GREB1L: variants seen among roughly 807,000 people sequenced by gnomAD.
The protein encoded by GREB1L is GREB1 like retinoic acid receptor coactivator.
GREB1L carries 17 observed loss-of-function variants against 200.8 expected under a neutral mutation model. The ratio of observed to expected loss-of-function variants is 0.08; its 90% CI spans 0.06 to 0.13. GREB1L has a LOEUF of 0.13. Among genes scored for constraint, GREB1L ranks in the 10% least tolerant of loss-of-function variants. GREB1L has a pLI of 1.00. For missense variants in GREB1L, 1,657 were observed against 2,367.7 expected (o/e 0.70, Z 6.23); for synonymous variants, 789 against 893.0 (o/e 0.88, Z 2.08).
intron 27 of GREB1L, among the ~76,000 whole-genome samples, chr18:21,512,484 T>C (rs541021596): frequency 2.0e-5 from 3 of 152,342 alleles, no homozygotes; most frequent in African/African-American, 7.2e-5. Flanking sequence ...AGTTGAGGTA[T>C]AGAAATGCAA....
At chr18:21,516,592 A>G (rs1568079084) in intron 29 of GREB1L, 21 bp from the exon 30 acceptor site, 1 of 1,549,754 alleles carries the variant, frequency 6.5e-7, no homozygotes, top group East Asian at 2.4e-5. Context: ...GAAGAAAACT[A>G]TTGTTGTGGT....
chr18:21,333,468 A>G (rs2039137437), intron 1 of GREB1L, among the ~76,000 whole-genome samples: 2 of 151,916 alleles, frequency 1.3e-5, no homozygotes, highest in Admixed American at 1.3e-4. Flanking sequence ...TGAGGTTGGG[A>G]GTTTGAGACC....
chr18:21,421,427 G>A (rs944507652), intron 7 of GREB1L, among the ~76,000 whole-genome samples: 1 of 152,170 alleles, frequency 6.6e-6, no homozygotes, highest in Admixed American at 6.6e-5. Context: ...CATAACTAAT[G>A]CAGGCTCAGA....
At chr18:21,345,645 G>C (rs558849972) in intron 1 of GREB1L, among the ~76,000 whole-genome samples, 1 of 152,168 alleles carries the variant, frequency 6.6e-6, no homozygotes, top group East Asian at 1.9e-4. Flanking sequence ...GGCCGAGGTG[G>C]GTGGATCACT....
intron 1 of GREB1L, among the ~76,000 whole-genome samples, chr18:21,353,191 AAAAG>A (rs1481072467): frequency 6.6e-6 from 1 of 152,028 alleles, no homozygotes; most frequent in African/African-American, 2.4e-5. Flanking sequence ...CAAAAAAAAA[AAAAG>A]AAGAAAGAAA....
At chr18:21,434,715 A>G (rs2033428799) in intron 7 of GREB1L, among the ~76,000 whole-genome samples, 1 of 151,970 alleles carries the variant, frequency 6.6e-6, no homozygotes, top group South Asian at 2.1e-4. Context: ...GAATTAATAT[A>G]TTTAAAGTGC....
intron 1 of GREB1L, among the ~76,000 whole-genome samples, chr18:21,312,534 TTTTATTTATTTATTTA>T (rs551473535): frequency 1.1e-4 from 17 of 150,552 alleles, no homozygotes; most frequent in African/African-American, 3.7e-4. Flanking sequence ...TTATTCTTTA[TTTTATTTATTTATTTA>T]TTTATTTATT....
chr18:21,297,869 G>T (rs1185468162), intron 1 of GREB1L, among the ~76,000 whole-genome samples: 3 of 151,830 alleles, frequency 2.0e-5, no homozygotes, highest in African/African-American at 4.8e-5. Context: ...TAAACATTCA[G>T]CACTCACTCT....
At chr18:21,415,613 A>G (rs1455551114) in intron 7 of GREB1L, among the ~76,000 whole-genome samples, 2 of 152,080 alleles carry the variant, frequency 1.3e-5, no homozygotes, top group Non-Finnish European at 2.9e-5. Context: ...AAGAGAAAGG[A>G]AGAACCACCC....
chr18:21,465,764 T>A (rs2035240134), intron 15 of GREB1L, among the ~76,000 whole-genome samples: 1 of 152,188 alleles, frequency 6.6e-6, no homozygotes, highest in Non-Finnish European at 1.5e-5. Flanking sequence ...TCCCCCTTTT[T>A]AAGAAGTTTT....
chr18:21,243,322 C>T (rs2037537624), intron 1 of GREB1L, among the ~76,000 whole-genome samples: 1 of 152,204 alleles, frequency 6.6e-6, no homozygotes, highest in Non-Finnish European at 1.5e-5. Flanking sequence ...CTGCCGCTGC[C>T]TCTAACCGAG....
At chr18:21,435,988 A>C (rs1413179209) in intron 7 of GREB1L, among the ~76,000 whole-genome samples, 1 of 152,106 alleles carries the variant, frequency 6.6e-6, no homozygotes, top group Non-Finnish European at 1.5e-5. Context: ...CAAATTAGAG[A>C]ACTACTCGGG....
At chr18:21,304,839 C>T (rs1375655293) in intron 1 of GREB1L, among the ~76,000 whole-genome samples, 1 of 152,116 alleles carries the variant, frequency 6.6e-6, no homozygotes, top group African/African-American at 2.4e-5. Flanking sequence ...CTTAGCTGAT[C>T]TTTGTCCTGG....
At chr18:21,285,382 C>G (rs1231441455) in intron 1 of GREB1L, among the ~76,000 whole-genome samples, 1 of 152,158 alleles carries the variant, frequency 6.6e-6, no homozygotes, top group Non-Finnish European at 1.5e-5. Context: ...TGCCACATAG[C>G]TCAAATATTA....
intron 17 of GREB1L, among the ~76,000 whole-genome samples, chr18:21,482,224 T>C (rs1449435863): frequency 6.6e-6 from 1 of 152,186 alleles, no homozygotes; most frequent in Non-Finnish European, 1.5e-5. Context: ...AGGCGTTCCC[T>C]TTAGTTGGAA....
intron 1 of GREB1L, among the ~76,000 whole-genome samples, chr18:21,363,256 G>A (rs759982992): frequency 1.5e-3 from 174 of 112,716 alleles, no homozygotes; most frequent in Middle Eastern, 4.5e-3. Flanking sequence ...CTTGAGAAAG[G>A]CTCCCCCTGC....
intron 1 of GREB1L, among the ~76,000 whole-genome samples, chr18:21,353,035 A>G (rs1245616825): frequency 6.6e-6 from 1 of 152,034 alleles, no homozygotes; most frequent in Non-Finnish European, 1.5e-5. Context: ...CAAAAAAGTT[A>G]GCCGGGCATG....
At chr18:21,469,213 T>C (rs1279443598) in intron 15 of GREB1L, among the ~76,000 whole-genome samples, 2 of 152,226 alleles carry the variant, frequency 1.3e-5, no homozygotes, top group Non-Finnish European at 2.9e-5. Context: ...TTCCCTACAT[T>C]TACTAGTAGG....
Position 21,395,558 on chromosome 18 carries a change from T to C in GREB1L, c.529T>C (p.Leu177=). 6.5e-7 allele frequency: 1 copy of C among 1,547,162 alleles called. No homozygotes were observed. The highest frequency in any genetic ancestry group is 8.7e-7 in the Non-Finnish European group (1 of 1,144,758). The change falls in exon 5 of 33, where the codon TTA becomes CTA. Residue 177 remains leucine, a synonymous_variant. Coordinates refer to ENST00000424526, the MANE Select transcript of GREB1L (RefSeq NM_001142966.3). ...AGATGATCATGGAAAAAATGCACTT[T>C]TAGGTGAGTGTTTCATGCTTATAAA... ...LPDDHGKNAL[L]GFSGNCIGCG... is the part of the protein sequence containing the mutation.
Sources: gnomAD v4.1 joint callset for allele counts (sites outside exome capture counted in the v4.1 genomes callset) on GRCh38, gnomAD v4.1.1 for gene constraint, MANE v1.5 for transcripts, NCBI Gene and HGNC (gene_info 2026-07-23, HGNC 2026-07-21) for gene names.